ABCA9: variants seen among roughly 807,000 people sequenced by gnomAD.
ABCA9 encodes ATP binding cassette subfamily A member 9, also known as ATP-binding cassette sub-family A member 9.
Under a neutral mutation model 205.3 loss-of-function variants are expected in ABCA9, and 183 were observed. That is an observed-to-expected ratio of 0.89 (90% CI 0.79 to 1.01). The LOEUF (loss-of-function observed/expected upper bound fraction) is 1.01. Ranked by LOEUF, ABCA9 falls within the 50% of genes least tolerant of loss-of-function variation. ABCA9 has a pLI of 0.00. For synonymous variants in ABCA9, 651 were observed against 683.3 expected (o/e 0.95, Z 0.74); for missense variants, 1,805 against 1,912.4 (o/e 0.94, Z 1.05).
In ABCA9 at chr17:69,027,352, A is replaced by T. The variant is rs554612476; in HGVS notation, c.1889T>A (p.Ile630Asn). 5 of 1,613,130 alleles carry T rather than the reference A, an allele frequency of 3.1e-6. No homozygotes were observed. In the Admixed American group the frequency reaches 8.3e-5, roughly 27 times the overall value. The change falls in exon 14 of 39, where the codon ATT (isoleucine) becomes AAT (asparagine). Residue 630 changes from isoleucine to asparagine, a missense_variant. Transcript: ENST00000340001. ...TACTTGAGGATCTCCTAAAATGGCAATCCCAAAAGTTAGTTTCCTATTTTG... is the reference window on the plus strand; with the variant it reads ...TACTTGAGGATCTCCTAAAATGGCATTCCCAAAAGTTAGTTTCCTATTTTG... ...GGQNRKLTFG[I>N]AILGDPQVLL...
intron 21 of ABCA9, 95 bp from the exon 22 acceptor site, chr17:69,016,485 T>G: frequency 2.6e-6 from 3 of 1,159,624 alleles, no homozygotes; most frequent in Non-Finnish European, 3.6e-6. Flanking sequence ...TTACTGATAA[T>G]ATAATAAGTC....
rs528283306 is a variant in ABCA9 at position 69,000,755 on chromosome 17, A to G, written c.3436-4741T>C. Among the ~76,000 whole-genome samples the G allele has an allele frequency of 3.5e-3, 524 of 151,544 alleles. 7 individuals carry two copies. The highest frequency in any genetic ancestry group is 0.011 in the African/African-American group (462 of 41,100). ...TTCACAATATTGATTCTTCCTACCC[A>G]TGAGCATGGAATGTTCTTCCATTTG... On this transcript the variant is annotated intron_variant, in intron 25 of 38. Transcript: ENST00000340001.
upstream of ABCA9, among the ~76,000 whole-genome samples, chr17:69,062,678 T>A (rs1317748896): frequency 1.3e-5 from 2 of 152,048 alleles, no homozygotes; most frequent in African/African-American, 4.8e-5. Context: ...GGCCAGCTAA[T>A]TTTTGTGTGT....
At chr17:68,989,256 T>TCTCACACACACACACA (rs138281321) in intron 30 of ABCA9, 138 bp from the exon 31 acceptor site, 11 of 242,996 alleles carry the variant, frequency 4.5e-5, no homozygotes, top group African/African-American at 7.1e-5. Flanking sequence ...TCTCTCTCTC[T>TCTCACACACACACACA]CACACACACA....
rs535483802 is a variant in ABCA9, at chr17:69,039,180, C to G, written c.801-3379G>C. Among the ~76,000 whole-genome samples the G allele has an allele frequency of 3.9e-5, 6 of 152,220 alleles. No individual in the cohort carries two copies. The East Asian group carries it at 1.2e-3, about 29-fold the overall frequency. The stretch of plus-strand genomic sequence containing the variant: ...TTCAATGCTATTCCCATCAAGCTAC[C>G]GTTGACTTTCTTCATAGAATTAGAA... On this transcript the variant is annotated intron_variant, in intron 6 of 38. Transcript: ENST00000340001.
Position 68,985,000 on chromosome 17 carries a change from C to T in ABCA9, c.4285-21G>A, listed in dbSNP as rs2069182325. On this transcript the variant is annotated intron_variant, in intron 33 of 38. Transcript: ENST00000340001. ...CACAGCTGCAACGGGAGGAACAGCC[C>T]CTCTGGTTCCCATCTACGGCACTTG... is the stretch of plus-strand genomic sequence containing the variant. 1.9e-6 allele frequency: 3 copies of T among 1,614,188 alleles called. No homozygotes were observed. In the African/African-American group the frequency reaches 4.0e-5, roughly 22 times the overall value.
Position 69,027,777 on chromosome 17 carries a change from C to CCATTCTTGAAAGTGTG in ABCA9, c.1638_1653dup (p.Ala552HisfsTer7). On this transcript the variant is annotated frameshift_variant, in exon 13 of 39. Coordinates refer to ENST00000340001, the MANE Select transcript of ABCA9 (RefSeq NM_080283.4). LOFTEE classifies it high-confidence loss of function. The stretch of plus-strand genomic sequence containing the variant: ...AACTTGCTGATATTTTCTATATCAG[C>CCATTCTTGAAAGTGTG]CATTCTTGAAAGTGTGTGATTATAG... 6.2e-7 allele frequency: 1 copy of CCATTCTTGAAAGTGTG among 1,612,320 alleles called. No homozygotes were observed. The highest frequency in any genetic ancestry group is 1.1e-5 in the South Asian group (1 of 90,888).
Position 69,049,356 on chromosome 17 carries a change from A to G in ABCA9, c.231T>C (p.Val77=). Residue 77 remains valine (V), a synonymous_variant, in exon 3 of 39, where the codon GTT becomes GTC. Transcript: ENST00000340001. ...TTTTGGATTCAGGTGCAAATGCAATAACATAATTAGTATCATTAAAACTAT... is the reference window on the plus strand; with the variant it reads ...TTTTGGATTCAGGTGCAAATGCAATGACATAATTAGTATCATTAAAACTAT... ...RVDSFNDTNY[V]IAFAPESKTT... 6.2e-7 allele frequency: 1 copy of G among 1,613,304 alleles called. No individual in the cohort carries two copies. The highest frequency in any genetic ancestry group is 8.5e-7 in the Non-Finnish European group (1 of 1,179,546).
At chr17:69,007,959 A>C in intron 24 of ABCA9, 87 bp from the exon 25 acceptor site, 1 of 1,427,524 alleles carries the variant, frequency 7.0e-7, no homozygotes, top group East Asian at 2.3e-5. Context: ...AAAACTATGC[A>C]ATAGCACAGG....
intron 37 of ABCA9, among the ~76,000 whole-genome samples, chr17:68,977,601 T>A (rs750200607): frequency 6.6e-6 from 1 of 152,212 alleles, no homozygotes; most frequent in East Asian, 1.9e-4. Flanking sequence ...AGGGTTTTGC[T>A]GGAGTTTACA....
chr17:69,041,978 C>T (rs1031208647), intron 6 of ABCA9, among the ~76,000 whole-genome samples: 10 of 152,146 alleles, frequency 6.6e-5, no homozygotes, highest in African/African-American at 2.4e-4. Context: ...GCCCAGAACC[C>T]TTATATGCAT....
At chr17:69,024,413 T>G (rs2144316488) in intron 16 of ABCA9, 60 bp from the exon 17 acceptor site, 1 of 1,437,870 alleles carries the variant, frequency 7.0e-7, no homozygotes, top group East Asian at 2.4e-5. Context: ...AACAATTTCC[T>G]AATTATGTAG....
intron 3 of ABCA9, 97 bp from the exon 4 acceptor site, chr17:69,045,433 CT>C: frequency 1.9e-6 from 2 of 1,050,944 alleles, no homozygotes; most frequent in Non-Finnish European, 2.5e-6. Context: ...AAAGCTATTC[CT>C]TCCTAAAGGC....
At position 68,985,147 on chromosome 17, in the gene ABCA9, A is replaced by G; in HGVS notation, c.4209-19T>C. 1 of 1,614,192 alleles carries G rather than the reference A, an allele frequency of 6.2e-7. No individual in the cohort carries two copies. Among genetic ancestry groups the G allele is most frequent in the African/African-American group, 1.3e-5 (1 of 75,052 alleles). On this transcript the variant is annotated intron_variant, in intron 32 of 38. Transcript: ENST00000340001. Reference sequence around the variant, plus strand: ...CACTAACCTGAAGAAAACAGAGTCAATCCACATAATCCCAACACTGGCGAA... The same window carrying G: ...CACTAACCTGAAGAAAACAGAGTCAGTCCACATAATCCCAACACTGGCGAA...
At chr17:69,024,102 C>T (rs897431510) in intron 17 of ABCA9, 112 bp downstream of exon 17, 28 of 1,157,784 alleles carry the variant, frequency 2.4e-5, no homozygotes, top group East Asian at 1.2e-4. Flanking sequence ...AATGAGTAAA[C>T]GCATTGTGCC....
the ABCA9 span, among the ~76,000 whole-genome samples, chr17:69,072,570 C>T: frequency 6.6e-6 from 1 of 151,910 alleles, no homozygotes; most frequent in Admixed American, 6.6e-5. Context: ...ACCACCAGGC[C>T]TGCCTTACAA....
the ABCA9 span, among the ~76,000 whole-genome samples, chr17:69,077,797 C>T: frequency 2.6e-5 from 4 of 151,290 alleles, no homozygotes; most frequent in Non-Finnish European, 1.5e-5. Context: ...ACTGCTTGGT[C>T]TTTGAATTTT....
At chr17:69,040,543 G>A (rs898456083) in intron 6 of ABCA9, among the ~76,000 whole-genome samples, 4 of 152,102 alleles carry the variant, frequency 2.6e-5, no homozygotes, top group Non-Finnish European at 4.4e-5. Context: ...ATCACACACT[G>A]GGACCTTTCA....
Position 69,043,603 on chromosome 17 carries a change from A to C in ABCA9, c.686T>G (p.Phe229Cys), listed in dbSNP as rs769847695. Residue 229 changes from phenylalanine (F) to cysteine (C), a missense_variant, in exon 6 of 39, where the codon TTT becomes TGT. Transcript: ENST00000340001. ...AAATGTAGAAAAAGAAATAATGCAA[A>C]AGAAAATGAAAAAATCAGTTGCAAC... The part of the protein sequence containing the change: ...GGVATDFFIF[F>C]CIISFSTFIY... The C allele has an allele frequency of 1.2e-6, 2 of 1,613,696 alleles. No individual in the cohort carries two copies. The highest frequency in any genetic ancestry group is 2.2e-5 in the South Asian group (2 of 91,034).
Sources: gnomAD v4.1 joint callset for allele counts (sites outside exome capture counted in the v4.1 genomes callset) on GRCh38, gnomAD v4.1.1 for gene constraint, MANE v1.5 for transcripts, NCBI Gene and HGNC (gene_info 2026-07-23, HGNC 2026-07-21) for gene names.